Variants in SVIL observed in about 807,000 individuals in gnomAD.
SVIL encodes supervillin.
Under a neutral mutation model 240.4 loss-of-function variants are expected in SVIL, and 101 were observed. That is an observed-to-expected ratio of 0.42 (90% CI 0.36 to 0.50). The LOEUF is 0.50. SVIL is among the 20% of genes least tolerant of loss of function. SVIL has a pLI of 0.01. For synonymous variants in SVIL, 999 were observed against 1,100.0 expected (o/e 0.91, Z 1.82); for missense variants, 2,512 against 2,818.7 (o/e 0.89, Z 2.46).
rs184826632 is a variant in SVIL at position 29,695,804 on chromosome 10, C to G, written c.-399-9153G>C. On this transcript the variant is annotated intron_variant, in intron 1 of 35. Coordinates refer to the SVIL transcript ENST00000375400. ...ACAGCTCCCGTCTCCCTCTCCCTCT[C>G]CCGTCTCCCTCTCCCGTCTCCCTCT... 9.1e-4 allele frequency among the ~76,000 whole-genome samples: 131 copies of G among 144,252 alleles called. 1 individual carries two copies. Among genetic ancestry groups the G allele is most frequent in the Non-Finnish European group, 1.6e-3 (105 of 66,396 alleles). 94.6% of individuals were successfully genotyped at this position (144,252 alleles called of 152,430 possible). A position where few individuals can be genotyped will look rare whatever the true frequency, so the allele number is the denominator to read the frequency against.
intron 2 of SVIL, among the ~76,000 whole-genome samples, chr10:29,663,394 GT>G (rs889926723): frequency 2.0e-5 from 3 of 151,352 alleles, no homozygotes; most frequent in East Asian, 1.9e-4. Flanking sequence ...TCTTTTTTTT[GT>G]TTTTTTCTTT....
chr10:29,482,025 T>TC (rs1445930619), intron 27 of SVIL, among the ~76,000 whole-genome samples: 6 of 50,248 alleles, frequency 1.2e-4, no homozygotes, highest in African/African-American at 1.9e-4. Context: ...TCTTTTCTTT[T>TC]TTTTTTTTTT....
At chr10:29,564,212 C>T (rs1001437994) in intron 2 of SVIL, among the ~76,000 whole-genome samples, 8 of 152,174 alleles carry the variant, frequency 5.3e-5, no homozygotes, top group African/African-American at 1.9e-4. Context: ...CGCAGCACAA[C>T]ACTGGAACTA....
chr10:29,501,642 G>A (rs1445986910), intron 17 of SVIL, among the ~76,000 whole-genome samples: 3 of 152,234 alleles, frequency 2.0e-5, no homozygotes, highest in South Asian at 2.1e-4. Flanking sequence ...CGTGATCGGC[G>A]AGAAGCCCCT....
rs560290805 is a variant in SVIL, at chr10:29,634,057, C to T, written c.-201+363G>A. ...GAACTCCACCCCCATACTTGTGCTA[C>T]GATTATTAAAGTACGTTGCATTGTG... On this transcript the variant is annotated intron_variant, in intron 1 of 37. Transcript: ENST00000355867. Among the ~76,000 whole-genome samples, 5 of 152,210 alleles carry T rather than the reference C, an allele frequency of 3.3e-5. No homozygotes were observed. In the South Asian group the frequency reaches 8.3e-4, roughly 25 times the overall value.
intron 1 of SVIL, among the ~76,000 whole-genome samples, chr10:29,729,658 AC>A (rs1964497914): frequency 1.2e-5 from 1 of 82,244 alleles, no homozygotes; most frequent in African/African-American, 6.3e-5. Context: ...ACATAGTGAA[AC>A]CCCATCTCTA....
At chr10:29,495,434 C>T (rs6481604) in intron 18 of SVIL, among the ~76,000 whole-genome samples, 28,422 of 151,712 alleles carry the variant, frequency 0.19, 2,853 homozygotes, top group East Asian at 0.32. Flanking sequence ...ACGGTGGAGA[C>T]GTGGGAAAAC....
intron 1 of SVIL, among the ~76,000 whole-genome samples, chr10:29,699,589 C>T (rs960995747): frequency 2.0e-5 from 3 of 152,222 alleles, no homozygotes; most frequent in South Asian, 2.1e-4. Flanking sequence ...CAGGTGTGAG[C>T]CGCCATGCCC....
At chr10:29,468,392 A>T (rs1945166469) in intron 32 of SVIL, among the ~76,000 whole-genome samples, 1 of 152,130 alleles carries the variant, frequency 6.6e-6, no homozygotes. Flanking sequence ...TCTTTTGGCC[A>T]CTATGACTAA....
intron 1 of SVIL, among the ~76,000 whole-genome samples, chr10:29,710,545 T>C (rs1252081209): frequency 6.6e-6 from 1 of 152,246 alleles, no homozygotes; most frequent in Non-Finnish European, 1.5e-5. Context: ...CATCTCACTG[T>C]CAAATTACTA....
intron 9 of SVIL, among the ~76,000 whole-genome samples, chr10:29,531,561 G>A (rs924642956): frequency 6.6e-6 from 1 of 152,140 alleles, no homozygotes; most frequent in East Asian, 1.9e-4. Context: ...CAATTTTCCA[G>A]ACAAATCTTA....
At chr10:29,651,421 G>A (rs1740900237) in intron 3 of SVIL, among the ~76,000 whole-genome samples, 1 of 152,054 alleles carries the variant, frequency 6.6e-6, no homozygotes, top group Non-Finnish European at 1.5e-5. Context: ...TCATGGTCAT[G>A]GGCAACATCC....
At chr10:29,733,670 A>C (rs1300109350) in intron 1 of SVIL, among the ~76,000 whole-genome samples, 1 of 152,108 alleles carries the variant, frequency 6.6e-6, no homozygotes, top group Non-Finnish European at 1.5e-5. Flanking sequence ...AAGGCTGCAG[A>C]CCTCTAAATG....
At chr10:29,546,338 T>G (rs1371594169) in intron 6 of SVIL, among the ~76,000 whole-genome samples, 2 of 152,246 alleles carry the variant, frequency 1.3e-5, no homozygotes, top group African/African-American at 4.8e-5. Context: ...TATTGTTTTC[T>G]ACTTCACCTA....
At chr10:29,673,692 G>A (rs922175580) in intron 2 of SVIL, among the ~76,000 whole-genome samples, 1 of 152,042 alleles carries the variant, frequency 6.6e-6, no homozygotes, top group African/African-American at 2.4e-5. Context: ...AGAACAGCAT[G>A]GGGGAAACCG....
chr10:29,492,322 G>C (rs527248322), intron 21 of SVIL, among the ~76,000 whole-genome samples: 1 of 152,024 alleles, frequency 6.6e-6, no homozygotes. Context: ...ACCCGTGCTG[G>C]GCTGGCCAGG....
At chr10:29,654,353 A>T (rs1958931366) in intron 3 of SVIL, among the ~76,000 whole-genome samples, 1 of 152,208 alleles carries the variant, frequency 6.6e-6, no homozygotes, top group African/African-American at 2.4e-5. Flanking sequence ...TTACAAGTAT[A>T]TATAACAAAA....
intron 36 of SVIL, among the ~76,000 whole-genome samples, chr10:29,461,891 G>A (rs1944305487): frequency 6.6e-6 from 1 of 152,140 alleles, no homozygotes. Context: ...CTCTACACAA[G>A]GTTAACATCT....
chr10:29,512,860 A>G lies in SVIL; in HGVS notation c.3391T>C (p.Leu1131=), dbSNP rs1949941101. 1 of 1,606,610 alleles carries G rather than the reference A, an allele frequency of 6.2e-7. No homozygotes were observed. Among genetic ancestry groups the G allele is most frequent in the South Asian group, 1.1e-5 (1 of 90,498 alleles). The part of the protein sequence containing the change: ...PSKTMSIKER[L]ALLKKSGEED... ...TCCCCGCTTTTCTTCAACAGTGCCA[A>G]TCTAGGAGGAAAACATGCCCGCCAC... Residue 1131 remains leucine, a splice_region_variant and synonymous_variant, in exon 17 of 38, where the codon TTG becomes CTG. Coordinates refer to ENST00000355867, the MANE Select transcript of SVIL (RefSeq NM_021738.3).
Sources: allele counts gnomAD v4.1 joint callset (sites outside exome capture counted in the v4.1 genomes callset), GRCh38; gene constraint gnomAD v4.1.1; transcripts MANE v1.5; gene names NCBI Gene and HGNC (gene_info 2026-07-23, HGNC 2026-07-21).